SYT16: variants seen among roughly 807,000 people sequenced by gnomAD.
The protein encoded by SYT16 is synaptotagmin 16.
In SYT16, 42 loss-of-function variants were observed where a neutral mutation model predicts 61.4. That is an observed-to-expected ratio of 0.68 (90% CI 0.53 to 0.89). The LOEUF (loss-of-function observed/expected upper bound fraction) is 0.89, where lower values mean the gene tolerates loss of function less well. SYT16 is among the 40% of genes least tolerant of loss of function. The pLI is 0.00. For synonymous variants in SYT16, 314 were observed against 302.3 expected, an observed-to-expected ratio of 1.04 and a Z score of -0.40; for missense variants, 804 against 807.3, an observed-to-expected ratio of 1.00 and a Z score of 0.05.
intron 3 of SYT16, among the ~76,000 whole-genome samples, chr14:62,036,808 G>T (rs527354144): frequency 1.3e-5 from 2 of 152,084 alleles, no homozygotes; most frequent in African/African-American, 4.8e-5. Context: ...TGACACATGG[G>T]GATTATGGGA....
At chr14:62,010,931 C>T (rs2053422363) in intron 3 of SYT16, among the ~76,000 whole-genome samples, 1 of 152,170 alleles carries the variant, frequency 6.6e-6, no homozygotes, top group Non-Finnish European at 1.5e-5. Context: ...TGTTCTTCAA[C>T]ATTTAGATGC....
intron 1 of SYT16, among the ~76,000 whole-genome samples, chr14:61,826,907 A>G (rs1490445806): frequency 6.6e-6 from 1 of 151,886 alleles, no homozygotes; most frequent in Non-Finnish European, 1.5e-5. Context: ...TGCCGGTGGC[A>G]CCTTCTTTCC....
intron 5 of SYT16, among the ~76,000 whole-genome samples, chr14:62,080,368 C>T (rs1490454597): frequency 6.6e-6 from 1 of 152,230 alleles, no homozygotes; most frequent in African/African-American, 2.4e-5. Context: ...TGAAGCATCA[C>T]CTTCCTGGGA....
At position 61,975,522 on chromosome 14, in the gene SYT16, G is replaced by C. The variant is rs1165941454; in HGVS notation, c.-145+5211G>C. Among the ~76,000 whole-genome samples, 4 of 152,198 alleles carry C rather than the reference G, an allele frequency of 2.6e-5. No individual in the cohort carries two copies. The East Asian group carries it at 7.7e-4, about 29-fold the overall frequency. On this transcript the variant is annotated intron_variant, in intron 2 of 7. Transcript: ENST00000683842. ...GATGGATGGTGAGGGGGAGACAGGA[G>C]CCTTCTTCACAAGGCAGCTGGAAGA... is the stretch of plus-strand genomic sequence containing the variant.
intron 3 of SYT16, among the ~76,000 whole-genome samples, chr14:61,998,513 G>T (rs1161125793): frequency 2.0e-5 from 3 of 152,068 alleles, no homozygotes; most frequent in Non-Finnish European, 4.4e-5. Context: ...CCATGGTGTT[G>T]TGTGTTTCAG....
At chr14:62,029,649 C>G (rs939929672) in intron 3 of SYT16, among the ~76,000 whole-genome samples, 1 of 152,140 alleles carries the variant, frequency 6.6e-6, no homozygotes, top group Non-Finnish European at 1.5e-5. Context: ...AATTGATAAA[C>G]TATGCCCTAA....
intron 1 of SYT16, among the ~76,000 whole-genome samples, chr14:61,953,300 A>T (rs892913057): frequency 1.3e-5 from 2 of 152,074 alleles, no homozygotes; most frequent in African/African-American, 2.4e-5. Context: ...CTTTTTGTTG[A>T]TTGCAAAGAA....
In SYT16 at chr14:62,100,910, G is replaced by T; in HGVS notation, c.*203G>T. On this transcript the variant is annotated 3_prime_UTR_variant, in exon 8 of 8. Transcript: ENST00000683842. ...AATTTTAAAAACACACATACACAGTGAAGTGTCCGTATGGAAAATATTATA... is the reference window on the plus strand; with the variant it reads ...AATTTTAAAAACACACATACACAGTTAAGTGTCCGTATGGAAAATATTATA... The T allele has an allele frequency of 1.8e-6, 1 of 558,854 alleles. No homozygotes were observed. Among genetic ancestry groups the T allele is most frequent in the South Asian group, 2.4e-5 (1 of 41,738 alleles). The allele number at this position is 558,854 out of a possible 1,614,324, so 34.6% of individuals were successfully genotyped here. A position where few individuals can be genotyped will look rare whatever the true frequency, so the allele number is the denominator to read the frequency against.
chr14:61,833,970 A>ATTTT (rs544826072), intron 1 of SYT16, among the ~76,000 whole-genome samples: 2 of 117,292 alleles, frequency 1.7e-5, no homozygotes, highest in African/African-American at 3.2e-5. Context: ...TCTGGCTTTG[A>ATTTT]TTTTTTTTTT....
At chr14:61,997,237 A>T (rs1050850062) in intron 3 of SYT16, among the ~76,000 whole-genome samples, 3 of 152,082 alleles carry the variant, frequency 2.0e-5, no homozygotes, top group Admixed American at 6.6e-5. Context: ...TAATACTCTA[A>T]CCTTGAAGTA....
chr14:61,902,528 C>A (rs904793592), intron 1 of SYT16, among the ~76,000 whole-genome samples: 9 of 152,144 alleles, frequency 5.9e-5, no homozygotes, highest in African/African-American at 1.9e-4. Flanking sequence ...CAAAGCACAG[C>A]AACTGGGTGT....
intron 2 of SYT16, among the ~76,000 whole-genome samples, chr14:61,993,761 T>G (rs1215355345): frequency 2.0e-5 from 3 of 152,228 alleles, no homozygotes; most frequent in African/African-American, 7.2e-5. Flanking sequence ...GTTTAACATC[T>G]TTTTAACAGT....
chr14:62,058,949 C>G (rs981519087), intron 3 of SYT16, among the ~76,000 whole-genome samples: 1 of 152,100 alleles, frequency 6.6e-6, no homozygotes, highest in African/African-American at 2.4e-5. Context: ...AGGCCATTAT[C>G]CTTAGCAAAC....
At chr14:62,046,479 T>A (rs2054991648) in intron 3 of SYT16, among the ~76,000 whole-genome samples, 1 of 152,224 alleles carries the variant, frequency 6.6e-6, no homozygotes, top group East Asian at 1.9e-4. Flanking sequence ...TTGCCAATTT[T>A]GGCTTTTGTT....
At chr14:62,004,191 G>T (rs141418689) in intron 3 of SYT16, among the ~76,000 whole-genome samples, 15 of 152,186 alleles carry the variant, frequency 9.9e-5, no homozygotes, top group African/African-American at 3.4e-4. Flanking sequence ...TTACAATTAT[G>T]GCAGAAGGTG....
At chr14:61,899,704 G>C (rs1054302478) in intron 1 of SYT16, among the ~76,000 whole-genome samples, 1 of 152,220 alleles carries the variant, frequency 6.6e-6, no homozygotes, top group East Asian at 1.9e-4. Flanking sequence ...AGCGCCGGAA[G>C]GCCTGTTGGT....
At chr14:61,885,832 T>C (rs1335283746) in intron 1 of SYT16, among the ~76,000 whole-genome samples, 1 of 152,142 alleles carries the variant, frequency 6.6e-6, no homozygotes, top group Non-Finnish European at 1.5e-5. Context: ...AAATATTTTA[T>C]AGCTAAAAAA....
intron 3 of SYT16, among the ~76,000 whole-genome samples, chr14:62,043,616 C>A (rs1178336552): frequency 1.3e-5 from 2 of 151,930 alleles, no homozygotes; most frequent in African/African-American, 4.8e-5. Context: ...ACTATGTTAG[C>A]CAGGATGGTC....
At chr14:61,861,414 A>T (rs1233146242) in intron 1 of SYT16, among the ~76,000 whole-genome samples, 2 of 152,048 alleles carry the variant, frequency 1.3e-5, no homozygotes, top group African/African-American at 2.4e-5. Context: ...CTTTCGGATA[A>T]TCTCCTTTTT....
Sources: gnomAD v4.1 joint callset for allele counts (sites outside exome capture counted in the v4.1 genomes callset) on GRCh38, gnomAD v4.1.1 for gene constraint, MANE v1.5 for transcripts, NCBI Gene and HGNC (gene_info 2026-07-23, HGNC 2026-07-21) for gene names.